STRA6: variants seen among roughly 807,000 people sequenced by gnomAD.
STRA6 encodes the protein signaling receptor and transporter of retinol STRA6, also known as receptor for retinol uptake STRA6.
STRA6 carries 48 observed loss-of-function variants against 83.6 expected under a neutral mutation model. The ratio of observed to expected loss-of-function variants is 0.57; its 90% CI spans 0.46 to 0.73. The LOEUF (loss-of-function observed/expected upper bound fraction) is 0.73, where lower values mean the gene tolerates loss of function less well. STRA6 is among the 30% of genes least tolerant of loss of function. The pLI, the probability that STRA6 is intolerant of heterozygous loss-of-function variation, is 0.00. For missense variants in STRA6, 760 were observed against 838.8 expected (o/e 0.91, Z 1.16); for synonymous variants, 353 against 362.3 (o/e 0.97, Z 0.29).
intron 14 of STRA6, 34 bp from the exon 15 acceptor site, chr15:74,182,494 A>G (rs2073046663): frequency 3.8e-6 from 6 of 1,563,942 alleles, no homozygotes; most frequent in Non-Finnish European, 5.2e-6. Context: ...GGGACAGAAA[A>G]CAGGTTCCAT....
chr15:74,185,175 G>A, intron 12 of STRA6, 120 bp from the exon 13 acceptor site: 3 of 975,968 alleles, frequency 3.1e-6, no homozygotes, highest in Non-Finnish European at 4.8e-6. Flanking sequence ...ACTGAACTCT[G>A]TGTGGAAGCC....
upstream of STRA6, chr15:74,209,437 T>C (rs1177360436): frequency 7.2e-6 from 11 of 1,535,528 alleles, no homozygotes; most frequent in East Asian, 2.4e-4. Context: ...GCTCGGCTCT[T>C]AATAACCGGA....
Position 74,179,666 on chromosome 15 carries a change from G to C in STRA6, c.*414C>G, listed in dbSNP as rs754445885. 22 of 181,834 alleles carry C rather than the reference G, an allele frequency of 1.2e-4. No homozygotes were observed. The highest frequency in any genetic ancestry group is 1.6e-4 in the African/African-American group (7 of 42,530). 11.3% of individuals were successfully genotyped at this position (181,834 alleles called of 1,614,324 possible). Reference sequence around the variant, plus strand: ...CCCCAGAGAGGTCCGTGGCGCTGAGGGGGTGAGGAAGTGCCTTGGCTGCTT... The same window carrying C: ...CCCCAGAGAGGTCCGTGGCGCTGAGCGGGTGAGGAAGTGCCTTGGCTGCTT... On this transcript the variant is annotated 3_prime_UTR_variant, in exon 19 of 19. Coordinates refer to ENST00000395105, the MANE Select transcript of STRA6 (RefSeq NM_022369.4).
upstream of STRA6, chr15:74,209,559 G>T: frequency 1.1e-6 from 1 of 890,196 alleles, no homozygotes; most frequent in Non-Finnish European, 1.7e-6. Context: ...CAGGGGAAGT[G>T]AAAAAGGCCC....
Position 74,196,058 on chromosome 15 carries a change from G to T in STRA6, c.356C>A (p.Pro119His). 6.2e-7 allele frequency: 1 copy of T among 1,614,044 alleles called. No individual in the cohort carries two copies. Among genetic ancestry groups the T allele is most frequent in the Non-Finnish European group, 8.5e-7 (1 of 1,180,020 alleles). ...CAGGAAGGGCAATGCGTCCTCGTCG[G>T]GGAGCAGCAAACACAGGGAGCTCAG... ...VLLSSLCLLL[P>H]DEDALPFLTL... is the part of the protein sequence containing the mutation. The change falls in exon 5 of 19, where the codon CCC (proline) becomes CAC (histidine). Residue 119 changes from proline to histidine, a missense_variant. Pro to His is a moderately conservative substitution (Grantham distance 77, BLOSUM62 -2). Transcript: ENST00000395105.
rs1245453967 is a variant in STRA6 at position 74,193,925 on chromosome 15, G to A, written c.598-3C>T. 6.2e-7 allele frequency: 1 copy of A among 1,612,806 alleles called. No homozygotes were observed. Among genetic ancestry groups the A allele is most frequent in the Non-Finnish European group, 8.5e-7 (1 of 1,179,152 alleles). On this transcript the variant is annotated splice_region_variant and splice_polypyrimidine_tract_variant and intron_variant, in intron 7 of 18. Coordinates refer to ENST00000395105, the MANE Select transcript of STRA6 (RefSeq NM_022369.4). The stretch of plus-strand genomic sequence containing the variant: ...AGCAGGGAGTAGTACTTGTAGATCT[G>A]GACAGACAAACACCCAGACAGACTA...
intron 4 of STRA6, among the ~76,000 whole-genome samples, chr15:74,196,731 C>A (rs1247467723): frequency 2.0e-5 from 3 of 152,206 alleles, no homozygotes; most frequent in Non-Finnish European, 4.4e-5. Context: ...ACAAAACCAG[C>A]ACAGCAAGAC....
intron 14 of STRA6, chr15:74,183,629 T>C (rs2073099033): frequency 7.1e-7 from 1 of 1,405,294 alleles, no homozygotes. Flanking sequence ...TTCATCTCCA[T>C]GTGGAGGGTA....
intron 11 of STRA6, among the ~76,000 whole-genome samples, 169 bp from the exon 12 acceptor site, chr15:74,189,446 A>G (rs1177459029): frequency 2.6e-5 from 4 of 152,198 alleles, no homozygotes; most frequent in African/African-American, 4.8e-5. Context: ...CTAAATGAGG[A>G]CATTACAGAC....
At chr15:74,191,281 G>A in intron 9 of STRA6, 38 bp from the exon 10 acceptor site, 2 of 1,611,836 alleles carry the variant, frequency 1.2e-6, no homozygotes, top group Non-Finnish European at 1.7e-6. Context: ...GTCCTCAGGG[G>A]AAGCCCATTC....
rs374433291 is a variant in STRA6 at position 74,194,672 on chromosome 15, AGCT to A, written c.597+627_597+629del. ...GCTAGGGACTGTTTGTCTTGTTCATAGCTGTAGTCCAGTGCCTGGAAATGTCCC... is the reference window on the plus strand; with the variant it reads ...GCTAGGGACTGTTTGTCTTGTTCATAGTAGTCCAGTGCCTGGAAATGTCCC... On this transcript the variant is annotated intron_variant, in intron 7 of 18. Coordinates refer to ENST00000395105, the MANE Select transcript of STRA6 (RefSeq NM_022369.4). 218 of 919,114 alleles carry A rather than the reference AGCT, an allele frequency of 2.4e-4. 2 individuals carry two copies. In the East Asian group the frequency reaches 6.0e-3, roughly 25 times the overall value. 56.9% of individuals were successfully genotyped at this position (919,114 alleles called of 1,614,324 possible).
chr15:74,181,193 C>G, intron 17 of STRA6, 102 bp downstream of exon 17: 1 of 1,521,052 alleles, frequency 6.6e-7, no homozygotes, highest in Non-Finnish European at 8.9e-7. Flanking sequence ...CTACAGGCAT[C>G]GGTGTGAACT....
At chr15:74,206,138 C>G (rs1251639145), upstream of STRA6, among the ~76,000 whole-genome samples, 1 of 152,214 alleles carries the variant, frequency 6.6e-6, no homozygotes, top group East Asian at 1.9e-4. Flanking sequence ...CCCTGCACAC[C>G]AGTAACCAGT....
In STRA6 at chr15:74,179,888, T is replaced by C. The variant is rs961933983; in HGVS notation, c.*192A>G. The C allele has an allele frequency of 1.4e-6, 1 of 711,502 alleles. No homozygotes were observed. Among genetic ancestry groups the C allele is most frequent in the Non-Finnish European group, 2.3e-6 (1 of 440,010 alleles). 44.1% of individuals were successfully genotyped at this position (711,502 alleles called of 1,614,324 possible). A position where few individuals can be genotyped will look rare whatever the true frequency, so the allele number is the denominator to read the frequency against. Reference sequence around the variant, plus strand: ...TCCAGAACCCCTGCTGGCTCTCCCATAGCCAAGTGGGTGGAGCAGAGCCCT... The same window carrying C: ...TCCAGAACCCCTGCTGGCTCTCCCACAGCCAAGTGGGTGGAGCAGAGCCCT... On this transcript the variant is annotated 3_prime_UTR_variant, in exon 19 of 19. Coordinates refer to ENST00000395105, the MANE Select transcript of STRA6 (RefSeq NM_022369.4).
In STRA6 at chr15:74,179,837, A is replaced by G; in HGVS notation, c.*243T>C. ...CCCTGGCTCAACTGGCTCCTGGACC[A>G]AGGCCCTAACCCACCAGTTTCTTTC... On this transcript the variant is annotated 3_prime_UTR_variant, in exon 19 of 19. Transcript: ENST00000395105. 1 of 530,374 alleles carries G rather than the reference A, an allele frequency of 1.9e-6. No homozygotes were observed. The highest frequency in any genetic ancestry group is 3.1e-5 in the East Asian group (1 of 31,930). The allele number at this position is 530,374 out of a possible 1,614,324, so 32.9% of individuals were successfully genotyped here.
chr15:74,205,204 G>T (rs2074233078), upstream of STRA6, among the ~76,000 whole-genome samples: 2 of 152,168 alleles, frequency 1.3e-5, no homozygotes, highest in Non-Finnish European at 2.9e-5. Context: ...AGAGGGGAGA[G>T]AGGGAGGTAC....
intron 18 of STRA6, 62 bp downstream of exon 18, chr15:74,180,720 C>T (rs1210552127): frequency 6.5e-7 from 1 of 1,549,218 alleles, no homozygotes; most frequent in South Asian, 1.2e-5. Context: ...GGGAGGGGCA[C>T]ACATCCTTCC....
At chr15:74,202,432 G>A in intron 1 of STRA6, 150 bp from the exon 2 acceptor site, 1 of 1,536,794 alleles carries the variant, frequency 6.5e-7, no homozygotes, top group Non-Finnish European at 8.7e-7. Context: ...AGCTCTCTGG[G>A]AAAAGCCCGT....
At chr15:74,194,926 A>G in intron 7 of STRA6, 1 of 1,423,408 alleles carries the variant, frequency 7.0e-7, no homozygotes, top group Non-Finnish European at 9.1e-7. Context: ...CTGACTTCGC[A>G]CTTGCCGGCC....
Sources: allele counts gnomAD v4.1 joint callset (sites outside exome capture counted in the v4.1 genomes callset), GRCh38; gene constraint gnomAD v4.1.1; transcripts MANE v1.5; gene names NCBI Gene and HGNC (gene_info 2026-07-23, HGNC 2026-07-21).